Variants in EXTL2 observed in about 807,000 individuals in gnomAD.
EXTL2 encodes exostosin like glycosyltransferase 2.
A neutral mutation model predicts 30.7 loss-of-function variants in EXTL2; 23 were observed. The observed-to-expected ratio is 0.75, with a 90% CI of 0.54 to 1.06. The LOEUF is 1.06. Among genes scored for constraint, EXTL2 ranks in the 50% least tolerant of loss-of-function variants. The pLI is 0.00. For missense variants in EXTL2, 352 were observed against 396.3 expected (o/e 0.89, Z 0.95); for synonymous variants, 123 against 133.8 (o/e 0.92, Z 0.56).
intron 1 of EXTL2, among the ~76,000 whole-genome samples, chr1:100,894,335 G>T (rs1650685664): frequency 6.6e-6 from 1 of 151,986 alleles, no homozygotes; most frequent in Admixed American, 6.6e-5. Flanking sequence ...CAAAAAAAGA[G>T]TAAATGCTAC....
chr1:100,891,216 T>C (rs1650399585), intron 1 of EXTL2, among the ~76,000 whole-genome samples: 1 of 152,274 alleles, frequency 6.6e-6, no homozygotes, highest in South Asian at 2.1e-4. Flanking sequence ...TTGTTAACTT[T>C]ATGTAATGGC....
In EXTL2 at chr1:100,877,996, T is replaced by C; in HGVS notation, c.6-93A>G. 1.0e-6 allele frequency: 1 copy of C among 959,586 alleles called. No individual in the cohort carries two copies. Among genetic ancestry groups the C allele is most frequent in the East Asian group, 2.6e-5 (1 of 38,992 alleles). 59.4% of individuals were successfully genotyped at this position (959,586 alleles called of 1,614,324 possible). A position where few individuals can be genotyped will look rare whatever the true frequency, so the allele number is the denominator to read the frequency against. On this transcript the variant is annotated intron_variant, in intron 2 of 4. Coordinates refer to ENST00000370114, the MANE Select transcript of EXTL2 (RefSeq NM_001033025.3). The surrounding 1 kb of genome is among the most constrained non-coding windows in gnomAD (Gnocchi z 4.1). Reference sequence around the variant, plus strand: ...TTTCCAATGAGGAAAGATATCAATCTTATTTTAGTTGATTCAAATTCAGTT... The same window carrying C: ...TTTCCAATGAGGAAAGATATCAATCCTATTTTAGTTGATTCAAATTCAGTT...
At chr1:100,884,291 C>G (rs930432356) in intron 2 of EXTL2, among the ~76,000 whole-genome samples, 3 of 152,170 alleles carry the variant, frequency 2.0e-5, no homozygotes, top group African/African-American at 7.2e-5. Flanking sequence ...GATTGTTTCT[C>G]CTCTGGCTCA....
In EXTL2 at chr1:100,873,762, C is replaced by T. The variant is rs1319252648; in HGVS notation, c.*180G>A. The T allele has an allele frequency of 1.2e-5, 7 of 585,466 alleles. No homozygotes were observed. Among genetic ancestry groups the T allele is most frequent in the Non-Finnish European group, 2.0e-5 (7 of 351,200 alleles). The allele number at this position is 585,466 out of a possible 1,614,324, so 36.3% of individuals were successfully genotyped here. On this transcript the variant is annotated 3_prime_UTR_variant, in exon 5 of 5. Transcript: ENST00000370114. The stretch of plus-strand genomic sequence containing the variant: ...ATAAGAAGACCTAACTGGATAAGAC[C>T]AACTTCTTGGCTTTCAAAAGTAATG...
At chr1:100,890,941 A>T (rs1340382251) in intron 1 of EXTL2, among the ~76,000 whole-genome samples, 1 of 152,252 alleles carries the variant, frequency 6.6e-6, no homozygotes, top group Non-Finnish European at 1.5e-5. Flanking sequence ...TCACCAGGTA[A>T]AAAACTATGA....
In EXTL2 at chr1:100,886,389, A is replaced by C. The variant is rs1315572365; in HGVS notation, c.5+2364T>G. Among the ~76,000 whole-genome samples, 3 of 152,228 alleles carry C rather than the reference A, an allele frequency of 2.0e-5. No individual in the cohort carries two copies. In the East Asian group the frequency reaches 5.8e-4, roughly 29 times the overall value. On this transcript the variant is annotated intron_variant, in intron 2 of 4. Transcript: ENST00000370114. ...GATTACATTAAACATCACGTCTTCC[A>C]TCTGGCGGACAGGTTGAATGAGCCA...
chr1:100,885,359 C>T (rs1649879156), intron 2 of EXTL2, among the ~76,000 whole-genome samples: 1 of 152,186 alleles, frequency 6.6e-6, no homozygotes, highest in African/African-American at 2.4e-5. Flanking sequence ...TTGTGAATTT[C>T]CCCAAGGAAG....
chr1:100,874,467 A>AT (rs1648947249), intron 4 of EXTL2, 37 bp from the exon 5 acceptor site: 1 of 1,491,800 alleles, frequency 6.7e-7, no homozygotes, highest in Non-Finnish European at 9.0e-7. Flanking sequence ...AATGTCACAT[A>AT]TTTTTAGAGA....
chr1:100,890,059 G>C (rs1650297351), intron 1 of EXTL2, among the ~76,000 whole-genome samples: 1 of 152,228 alleles, frequency 6.6e-6, no homozygotes. Context: ...TTCTCCATGA[G>C]GGCTCCACCC....
At chr1:100,874,681 T>C (rs1382619017) in intron 4 of EXTL2, among the ~76,000 whole-genome samples, 2 of 152,064 alleles carry the variant, frequency 1.3e-5, no homozygotes, top group African/African-American at 4.8e-5. Flanking sequence ...AATGTTCTCC[T>C]AATTCAAACA....
At chr1:100,894,408 C>G (rs1008894949) in intron 1 of EXTL2, among the ~76,000 whole-genome samples, 2 of 152,136 alleles carry the variant, frequency 1.3e-5, no homozygotes, top group Non-Finnish European at 2.9e-5. Context: ...AAGGCAAATA[C>G]AAAATACTCT....
At chr1:100,880,558 A>C (rs1029882137) in intron 2 of EXTL2, among the ~76,000 whole-genome samples, 1 of 152,188 alleles carries the variant, frequency 6.6e-6, no homozygotes, top group East Asian at 1.9e-4. Flanking sequence ...TTTTCATTTT[A>C]TCTACCCTCT....
At chr1:100,883,072 T>G (rs1649692252) in intron 2 of EXTL2, among the ~76,000 whole-genome samples, 1 of 152,132 alleles carries the variant, frequency 6.6e-6, no homozygotes, top group African/African-American at 2.4e-5. Context: ...ACTCTAAACC[T>G]TCTGATGGCA....
intron 4 of EXTL2, 53 bp from the exon 5 acceptor site, chr1:100,874,483 T>C: frequency 7.1e-7 from 1 of 1,399,018 alleles, no homozygotes; most frequent in Non-Finnish European, 9.7e-7. Context: ...AGAGAAGACA[T>C]AGTGAAAAAG....
chr1:100,873,830 T>C lies in EXTL2; in HGVS notation c.*112A>G, dbSNP rs987715785. On this transcript the variant is annotated 3_prime_UTR_variant, in exon 5 of 5. Coordinates refer to ENST00000370114, the MANE Select transcript of EXTL2 (RefSeq NM_001033025.3). ...AAGCACTGCACTTTTTTTTCTATTG[T>C]AGAGACTTCTGGAGTAGATAAAATT... 96 of 1,125,884 alleles carry C rather than the reference T, an allele frequency of 8.5e-5. 1 individual carries two copies. Among genetic ancestry groups the C allele is most frequent in the South Asian group, 2.6e-4 (15 of 57,260 alleles). 69.7% of individuals were successfully genotyped at this position (1,125,884 alleles called of 1,614,324 possible).
At chr1:100,883,824 C>T in intron 2 of EXTL2, among the ~76,000 whole-genome samples, 1 of 152,036 alleles carries the variant, frequency 6.6e-6, no homozygotes. Flanking sequence ...ACTGAAGTAG[C>T]TTTTCAAAGA....
rs1246094347 is a variant in EXTL2, at chr1:100,873,815, C to CT, written c.*126dup. 7.2e-5 allele frequency: 73 copies of CT among 1,011,700 alleles called. No homozygotes were observed. The highest frequency in any genetic ancestry group is 9.2e-5 in the Admixed American group (3 of 32,744). The allele number at this position is 1,011,700 out of a possible 1,614,324, so 62.7% of individuals were successfully genotyped here. On this transcript the variant is annotated 3_prime_UTR_variant, in exon 5 of 5. Coordinates refer to ENST00000370114, the MANE Select transcript of EXTL2 (RefSeq NM_001033025.3). ...AATTTTATATCCTAGAAGCACTGCA[C>CT]TTTTTTTTCTATTGTAGAGACTTCT...
chr1:100,874,228 A>G lies in EXTL2; in HGVS notation c.707T>C (p.Leu236Ser), dbSNP rs1183801429. The G allele has an allele frequency of 5.6e-6, 9 of 1,612,836 alleles. No homozygotes were observed. Among genetic ancestry groups the G allele is most frequent in the Non-Finnish European group, 6.8e-6 (8 of 1,179,456 alleles). The part of the protein sequence containing the change: ...FQRQPAAVHA[L>S]IDDTQNCDDI... ...ATCACAGTTTTGAGTATCATCTATC[A>G]AAGCATGGACAGCTGCAGGTTGCCT... The change falls in exon 5 of 5, where the codon TTG (leucine) becomes TCG (serine). Residue 236 changes from leucine to serine, a missense_variant. Coordinates refer to ENST00000370114, the MANE Select transcript of EXTL2 (RefSeq NM_001033025.3).
chr1:100,888,817 G>A lies in EXTL2; in HGVS notation c.-60C>T. The A allele has an allele frequency of 2.2e-6, 3 of 1,374,434 alleles. No individual in the cohort carries two copies. Among genetic ancestry groups the A allele is most frequent in the Non-Finnish European group, 3.0e-6 (3 of 999,794 alleles). 85.1% of individuals were successfully genotyped at this position (1,374,434 alleles called of 1,614,324 possible). On this transcript the variant is annotated 5_prime_UTR_variant, in exon 2 of 5. Coordinates refer to ENST00000370114, the MANE Select transcript of EXTL2 (RefSeq NM_001033025.3). ...TAGCTTCAGTAATTGACAGAAGCAG[G>A]CTCACTTGTCACTATTAAGATAAAT...
Sources: gnomAD v4.1 joint callset for allele counts (sites outside exome capture counted in the v4.1 genomes callset) on GRCh38, gnomAD v4.1.1 for gene constraint, Gnocchi (gnomAD v3.1) non-coding constraint, MANE v1.5 for transcripts, NCBI Gene and HGNC (gene_info 2026-07-23, HGNC 2026-07-21) for gene names.